The following TRABD variants were observed in gnomAD, a reference collection of about 807,000 sequenced individuals.
TRABD encodes traB domain-containing protein.
A neutral mutation model predicts 39.6 loss-of-function variants in TRABD; 23 were observed. That is an observed-to-expected ratio of 0.58 (90% confidence interval 0.42 to 0.82). TRABD has a LOEUF of 0.82. TRABD is among the 40% of genes least tolerant of loss of function. The pLI is 0.00. For missense variants in TRABD, 487 were observed against 544.9 expected (o/e 0.89, Z 1.06); for synonymous variants, 243 against 232.1 (o/e 1.05, Z -0.43).
chr22:50,186,319 G>C (rs1017323327), intron 1 of TRABD, among the ~76,000 whole-genome samples: 21 of 144,766 alleles, frequency 1.5e-4, no homozygotes, highest in South Asian at 1.1e-3. Context: ...AGGTCGTTGG[G>C]GGGGCCAGGC....
In TRABD at chr22:50,193,654, T is replaced by A; in HGVS notation, c.112T>A (p.Ser38Thr). 1 of 1,613,562 alleles carries A rather than the reference T, an allele frequency of 6.2e-7. No individual in the cohort carries two copies. ...RVLSGDPQNL[S>T]DVDAFNLLLE... ...GCTTTCTGGAGACCCCCAGAACCTGTGTACGTGTCCCTCAGGGTCCTGGCA... is the reference window on the plus strand; with the variant it reads ...GCTTTCTGGAGACCCCCAGAACCTGAGTACGTGTCCCTCAGGGTCCTGGCA... The change falls in exon 3 of 10, where the codon TCC becomes ACC. Residue 38 changes from serine (S) to threonine (T), a missense_variant and splice_region_variant. Ser to Thr is a moderately conservative substitution (Grantham distance 58). This residue lies in a region of TRABD where 358 missense variants were observed against 414.7 expected (regional missense o/e 0.86). Transcript: ENST00000380909.
Position 50,198,131 on chromosome 22 carries a change from G to A in TRABD, c.901G>A (p.Val301Met), listed in dbSNP as rs753713339. The A allele has an allele frequency of 2.5e-6, 4 of 1,612,614 alleles. No individual in the cohort carries two copies. The highest frequency in any genetic ancestry group is 2.2e-5 in the South Asian group (2 of 91,054). ...CGTGGGCGTCGTGGGCATGGGCCACGTGCCTGGCATCGAGAAGAACTGGAG... is the reference window on the plus strand; with the variant it reads ...CGTGGGCGTCGTGGGCATGGGCCACATGCCTGGCATCGAGAAGAACTGGAG... ...VVVGVVGMGH[V>M]PGIEKNWSTD... The change falls in exon 9 of 10, where the codon GTG (valine) becomes ATG (methionine). Residue 301 changes from valine to methionine, a missense_variant. By Grantham distance (21) the Val-to-Met change is conservative (BLOSUM62 1). Transcript: ENST00000380909. This position sits in a 1 kb window ranked among gnomAD's most constrained non-coding sequence, Gnocchi z 7.9.
chr22:50,198,878 C>T lies in TRABD; in HGVS notation c.*359C>T. ...CGGGGGACAATGGCCACTGTCCCTA[C>T]CTCACTGTGCCTTCCTGTGCTCCGG... On this transcript the variant is annotated 3_prime_UTR_variant, in exon 10 of 10. Coordinates refer to ENST00000380909, the MANE Select transcript of TRABD (RefSeq NM_001320485.2). This position sits in a 1 kb window ranked among gnomAD's most constrained non-coding sequence, Gnocchi z 7.9. 1.8e-6 allele frequency: 1 copy of T among 564,678 alleles called. No individual in the cohort carries two copies. The highest frequency in any genetic ancestry group is 3.2e-6 in the Non-Finnish European group (1 of 313,114). 35.0% of individuals were successfully genotyped at this position (564,678 alleles called of 1,614,324 possible).
Position 50,194,328 on chromosome 22 carries a change from C to T in TRABD, c.113-12C>T, listed in dbSNP as rs373695922. 13 of 1,610,132 alleles carry T rather than the reference C, an allele frequency of 8.1e-6. No homozygotes were observed. The South Asian group carries it at 1.1e-4, about 14-fold the overall frequency. ...GGGCCCGGCACCACAACGGCCTGTG[C>T]TGCTGTTGCAGCCGACGTGGACGCC... On this transcript the variant is annotated splice_polypyrimidine_tract_variant and intron_variant, in intron 3 of 9. Transcript: ENST00000380909.
intron 5 of TRABD, among the ~76,000 whole-genome samples, chr22:50,196,542 TG>T (rs1334406967): frequency 1.3e-5 from 2 of 152,134 alleles, no homozygotes; most frequent in Non-Finnish European, 2.9e-5. Flanking sequence ...CTGCTGAAGA[TG>T]GGGGTGGCCT....
intron 1 of TRABD, among the ~76,000 whole-genome samples, chr22:50,186,677 C>T (rs980752836): frequency 1.3e-5 from 2 of 152,204 alleles, no homozygotes; most frequent in African/African-American, 4.8e-5. Flanking sequence ...CCCCCGTTGT[C>T]CCCTCCGGCC....
Position 50,198,523 on chromosome 22 carries a change from A to G in TRABD, c.*4A>G. ...GACCGAGGCCCGGCACAAGTAGGAG[A>G]CTGCTCCCCGCCCGCTCGGGCCCCT... On this transcript the variant is annotated 3_prime_UTR_variant, in exon 10 of 10. Coordinates refer to ENST00000380909, the MANE Select transcript of TRABD (RefSeq NM_001320485.2). This position sits in a 1 kb window ranked among gnomAD's most constrained non-coding sequence, Gnocchi z 7.9. The G allele has an allele frequency of 6.5e-7, 1 of 1,542,244 alleles. No homozygotes were observed. Among genetic ancestry groups the G allele is most frequent in the East Asian group, 2.3e-5 (1 of 43,218 alleles).
chr22:50,188,275 C>T (rs1238911017), intron 1 of TRABD, among the ~76,000 whole-genome samples: 1 of 152,060 alleles, frequency 6.6e-6, no homozygotes, highest in Non-Finnish European at 1.5e-5. Flanking sequence ...GAGTGACACT[C>T]CGTCTCAAAT....
intron 1 of TRABD, among the ~76,000 whole-genome samples, chr22:50,188,449 T>C (rs1449800376): frequency 6.6e-6 from 1 of 152,128 alleles, no homozygotes; most frequent in Non-Finnish European, 1.5e-5. Context: ...AGAAATTTAT[T>C]TTCTCAGAGT....
At chr22:50,187,849 A>G (rs1241160519) in intron 1 of TRABD, among the ~76,000 whole-genome samples, 1 of 151,998 alleles carries the variant, frequency 6.6e-6, no homozygotes, top group South Asian at 2.1e-4. Flanking sequence ...GTGTAGTGGC[A>G]GGCGCCTGTA....
rs185163915 is a variant in TRABD at position 50,191,430 on chromosome 22, G to T, written c.-34-1597G>T. On this transcript the variant is annotated intron_variant, in intron 1 of 9. Coordinates refer to ENST00000380909, the MANE Select transcript of TRABD (RefSeq NM_001320485.2). The stretch of plus-strand genomic sequence containing the variant: ...GCTGGGTCTGTGAGTCCTGGCTGGG[G>T]CCGAGGTCTGTGCCTGCTGTGGCTG... 8.1e-3 allele frequency among the ~76,000 whole-genome samples: 1,238 copies of T among 152,348 alleles called. 57 individuals are homozygous for T. The highest frequency in any genetic ancestry group is 0.067 in the Admixed American group (1,020 of 15,300).
At chr22:50,192,761 G>GGGCCCGTCCGCGTTTT (rs2063947118) in intron 1 of TRABD, among the ~76,000 whole-genome samples, 2 of 147,996 alleles carry the variant, frequency 1.4e-5, no homozygotes, top group South Asian at 2.2e-4. Context: ...TGAGGCCTGT[G>GGGCCCGTCCGCGTTTT]CACCAGCAAC....
In TRABD at chr22:50,190,008, C is replaced by T. The variant is rs373182183; in HGVS notation, c.-34-3019C>T. 2.4e-4 allele frequency among the ~76,000 whole-genome samples: 36 copies of T among 152,346 alleles called. No homozygotes were observed. In the East Asian group the frequency reaches 6.6e-3, roughly 28 times the overall value. On this transcript the variant is annotated intron_variant, in intron 1 of 9. Coordinates refer to ENST00000380909, the MANE Select transcript of TRABD (RefSeq NM_001320485.2). ...CAGCCATAAATGTCTGAGAGCACAGCTGCCTGGGAGCAGACTAGAGGGAGG... is the reference window on the plus strand; with the variant it reads ...CAGCCATAAATGTCTGAGAGCACAGTTGCCTGGGAGCAGACTAGAGGGAGG...
At position 50,198,033 on chromosome 22, in the gene TRABD, C is replaced by T; in HGVS notation, c.844+38C>T. On this transcript the variant is annotated intron_variant, in intron 8 of 9. Coordinates refer to ENST00000380909, the MANE Select transcript of TRABD (RefSeq NM_001320485.2). The surrounding 1 kb of genome is among the most constrained non-coding windows in gnomAD (Gnocchi z 7.9). ...CGCAGGCGTGGGACCCCCTGTGAGGCTGAGGCCCGAGCAGGTACTGACCCC... is the reference window on the plus strand; with the variant it reads ...CGCAGGCGTGGGACCCCCTGTGAGGTTGAGGCCCGAGCAGGTACTGACCCC... 1 of 1,610,978 alleles carries T rather than the reference C, an allele frequency of 6.2e-7. No homozygotes were observed. Among genetic ancestry groups the T allele is most frequent in the Non-Finnish European group, 8.5e-7 (1 of 1,178,662 alleles).
rs940229616 is a variant in TRABD, at chr22:50,197,133, C to T, written c.421-108C>T. The T allele has an allele frequency of 1.7e-5, 20 of 1,149,410 alleles. No individual in the cohort carries two copies. The Admixed American group carries it at 3.1e-4, about 18-fold the overall frequency. 71.2% of individuals were successfully genotyped at this position (1,149,410 alleles called of 1,614,324 possible). A position where few individuals can be genotyped will look rare whatever the true frequency, so the allele number is the denominator to read the frequency against. Reference sequence around the variant, plus strand: ...AGGGGGCCAAGGACACAGCACTGGGCTGGGGCAGGGCTCTGCGCTGGTGCT... The same window carrying T: ...AGGGGGCCAAGGACACAGCACTGGGTTGGGGCAGGGCTCTGCGCTGGTGCT... On this transcript the variant is annotated intron_variant, in intron 5 of 9. Transcript: ENST00000380909.
intron 5 of TRABD, among the ~76,000 whole-genome samples, chr22:50,196,188 G>C (rs1325466968): frequency 3.9e-5 from 6 of 152,176 alleles, no homozygotes. Flanking sequence ...GTTTCTACTG[G>C]GGTTGGTCAC....
In TRABD at chr22:50,189,274, C is replaced by T. The variant is rs115495229; in HGVS notation, c.-35+3298C>T. On this transcript the variant is annotated intron_variant, in intron 1 of 9. Transcript: ENST00000380909. ...GATGCTGGCCCTGGAGGCAGGTTCC[C>T]GCCTTAAACGGCGGCTCCTGCCCAG... Among the ~76,000 whole-genome samples the T allele has an allele frequency of 3.4e-3, 523 of 152,342 alleles. 4 individuals carry two copies. The highest frequency in any genetic ancestry group is 0.012 in the African/African-American group (502 of 41,580).
intron 4 of TRABD, 77 bp downstream of exon 4, chr22:50,194,583 C>T (rs2064031396): frequency 1.3e-6 from 2 of 1,539,890 alleles, no homozygotes; most frequent in Non-Finnish European, 1.8e-6. Flanking sequence ...GACCTCCCGG[C>T]AGGGCCCGTG....
At chr22:50,189,048 T>G (rs761810427) in intron 1 of TRABD, among the ~76,000 whole-genome samples, 2 of 152,226 alleles carry the variant, frequency 1.3e-5, no homozygotes, top group Non-Finnish European at 2.9e-5. Context: ...AGAACAAGTG[T>G]CTTCAGAGGC....
Sources: gnomAD v4.1 joint callset for allele counts (sites outside exome capture counted in the v4.1 genomes callset) on GRCh38, gnomAD v4.1.1 for gene constraint, gnomAD v4.1.1 regional missense constraint, Gnocchi (gnomAD v3.1) non-coding constraint, MANE v1.5 for transcripts, NCBI Gene and HGNC (gene_info 2026-07-23, HGNC 2026-07-21) for gene names.